Variants in FBXO27 observed in about 807,000 individuals in gnomAD.
The protein encoded by FBXO27 is F-box only protein 27.
In FBXO27, 28 loss-of-function variants were observed where a neutral mutation model predicts 28.3. The ratio of observed to expected loss-of-function variants is 0.99; its 90% CI spans 0.73 to 1.36. The LOEUF is 1.36. FBXO27 is among the 40% of genes most tolerant of loss of function. FBXO27 has a pLI of 0.00. For missense variants in FBXO27, 388 were observed against 394.1 expected (o/e 0.98, Z 0.13); for synonymous variants, 175 against 167.3 (o/e 1.05, Z -0.36).
downstream of FBXO27, among the ~76,000 whole-genome samples, chr19:39,019,447 A>G (rs1369014126): frequency 6.8e-4 from 61 of 89,476 alleles, no homozygotes; most frequent in South Asian, 1.7e-3. Flanking sequence ...AAAAAAAAAA[A>G]AAAAAAAAAA....
chr19:39,007,746 G>A (rs578117886), intron 2 of FBXO27, among the ~76,000 whole-genome samples: 1 of 152,232 alleles, frequency 6.6e-6, no homozygotes, highest in South Asian at 2.1e-4. Context: ...AGGCTCAAGC[G>A]ATCCTCCCAC....
At chr19:39,011,088 G>A (rs758340428) in intron 2 of FBXO27, among the ~76,000 whole-genome samples, 2 of 152,202 alleles carry the variant, frequency 1.3e-5, no homozygotes, top group Non-Finnish European at 2.9e-5. Flanking sequence ...AATTCCATGT[G>A]AATTTTGAGA....
At chr19:39,020,947 C>A (rs573792718), downstream of FBXO27, among the ~76,000 whole-genome samples, 11 of 151,976 alleles carry the variant, frequency 7.2e-5, no homozygotes, top group African/African-American at 2.7e-4. Flanking sequence ...CTCCGCCTCC[C>A]GGGTTCAAGT....
At chr19:39,011,827 C>CTTTTT (rs71167612) in intron 2 of FBXO27, among the ~76,000 whole-genome samples, 4 of 123,766 alleles carry the variant, frequency 3.2e-5, no homozygotes, top group Admixed American at 8.9e-5. Flanking sequence ...ATTTTCTTTT[C>CTTTTT]TTTTTTTTTT....
downstream of FBXO27, among the ~76,000 whole-genome samples, chr19:39,021,957 G>A (rs12982529): frequency 0.48 from 72,902 of 151,518 alleles, 17,689 homozygotes; most frequent in Middle Eastern, 0.58. Context: ...CACCACATCC[G>A]GCTATCCTCA....
At chr19:39,029,680 A>G (rs1425914746) in intron 4 of FBXO27, among the ~76,000 whole-genome samples, 2 of 151,930 alleles carry the variant, frequency 1.3e-5, no homozygotes, top group Non-Finnish European at 2.9e-5. Context: ...CTGGAATTTG[A>G]CTCCCATAAA....
At chr19:39,007,851 C>T (rs1299738246) in intron 2 of FBXO27, among the ~76,000 whole-genome samples, 3 of 152,086 alleles carry the variant, frequency 2.0e-5, no homozygotes, top group Non-Finnish European at 4.4e-5. Context: ...CTATGTTGCC[C>T]AGGTTGCCCA....
In FBXO27 at chr19:39,032,137, G is replaced by C. The variant is rs776796424; in HGVS notation, c.91C>G (p.Pro31Ala). 3.9e-6 allele frequency: 6 copies of C among 1,543,300 alleles called. No homozygotes were observed. The South Asian group carries it at 4.8e-5, about 12-fold the overall frequency. Residue 31 changes from proline to alanine, a missense_variant, in exon 2 of 6, where the codon CCA becomes GCA. Coordinates refer to ENST00000292853, the MANE Select transcript of FBXO27 (RefSeq NM_178820.5). The surrounding 1 kb of genome is among the most constrained non-coding windows in gnomAD (Gnocchi z 4.7). The part of the protein sequence containing the change: ...EEALDLSQLP[P>A]ELLLVVLSHV... ...CTCAGCACCACCAGAAGCAGCTCTGGGGGTAGTTGGCTCAGGTCCAGCGCC... is the reference window on the plus strand; with the variant it reads ...CTCAGCACCACCAGAAGCAGCTCTGCGGGTAGTTGGCTCAGGTCCAGCGCC...
Position 39,032,014 on chromosome 19 carries a change from C to G in FBXO27, c.214G>C (p.Ala72Pro), listed in dbSNP as rs1242815388. 1.4e-5 allele frequency: 22 copies of G among 1,523,930 alleles called. No individual in the cohort carries two copies. Among genetic ancestry groups the G allele is most frequent in the Non-Finnish European group, 1.9e-5 (22 of 1,143,492 alleles). 94.4% of individuals were successfully genotyped at this position (1,523,930 alleles called of 1,614,324 possible). A position where few individuals can be genotyped will look rare whatever the true frequency, so the allele number is the denominator to read the frequency against. Residue 72 changes from alanine to proline, a missense_variant, in exon 2 of 6, where the codon GCC becomes CCC. Ala to Pro is a conservative substitution (Grantham distance 27, BLOSUM62 -1). Coordinates refer to ENST00000292853, the MANE Select transcript of FBXO27 (RefSeq NM_178820.5). This position sits in a 1 kb window ranked among gnomAD's most constrained non-coding sequence, Gnocchi z 4.7. ...DGQALWLLIL[A>P]RDHGATGRAL... ...CGGCCGGTGGCGCCGTGGTCGCGGGCCAGGATCAGCAGCCACAGGGCCTGG... is the reference window on the plus strand; with the variant it reads ...CGGCCGGTGGCGCCGTGGTCGCGGGGCAGGATCAGCAGCCACAGGGCCTGG...
At position 39,025,343 on chromosome 19, in the gene FBXO27, G is replaced by T. The variant is rs2072866598; in HGVS notation, c.*68C>A. 1.3e-6 allele frequency: 2 copies of T among 1,548,684 alleles called. No homozygotes were observed. The highest frequency in any genetic ancestry group is 1.2e-5 in the South Asian group (1 of 82,760). On this transcript the variant is annotated 3_prime_UTR_variant, in exon 6 of 6. Transcript: ENST00000292853. The stretch of plus-strand genomic sequence containing the variant: ...CAAGTGCTTGGTTGGTTAATGAGGG[G>T]TCCCAGCCAATGGTCCCAGGCCCTG...
chr19:39,031,689 G>GACCCCTCACACC (rs1424624614), intron 2 of FBXO27, among the ~76,000 whole-genome samples, 175 bp downstream of exon 2: 1 of 150,484 alleles, frequency 6.6e-6, no homozygotes, highest in African/African-American at 2.5e-5. Context: ...CCGCCCCTCC[G>GACCCCTCACACC]GCACCTCACA....
chr19:39,031,111 T>G lies in FBXO27; in HGVS notation c.490A>C (p.Lys164Gln). The part of the protein sequence containing the change: ...FVTSFSWCCK[K>Q]QVLDLEEEGL... ...TCCTCCTCTAGGTCCAAGACCTGCT[T>G]CTTGCAACACCAGCTGGGAATGCAG... The change falls in exon 4 of 6, where the codon AAG becomes CAG. Residue 164 changes from lysine (K) to glutamine (Q), a missense_variant. Coordinates refer to ENST00000292853, the MANE Select transcript of FBXO27 (RefSeq NM_178820.5). 1.4e-5 allele frequency: 22 copies of G among 1,614,078 alleles called. No homozygotes were observed. The highest frequency in any genetic ancestry group is 1.9e-5 in the Non-Finnish European group (22 of 1,180,012).
chr19:39,006,700 C>T (rs535466034), intron 2 of FBXO27, among the ~76,000 whole-genome samples: 43 of 152,242 alleles, frequency 2.8e-4, no homozygotes, highest in African/African-American at 9.6e-4. Flanking sequence ...ACAGCAAGTA[C>T]AGCTGACCAG....
chr19:39,029,116 T>C (rs2144902865), intron 4 of FBXO27, among the ~76,000 whole-genome samples: 1 of 151,450 alleles, frequency 6.6e-6, no homozygotes, highest in South Asian at 2.1e-4. Context: ...AATAGGGTTA[T>C]GGTGCCTTGA....
At chr19:39,019,001 A>T (rs1243424793) in intron 1 of FBXO27, among the ~76,000 whole-genome samples, 3 of 150,800 alleles carry the variant, frequency 2.0e-5, no homozygotes. Context: ...CCCGGGAGGC[A>T]GAGGTTGCAG....
intron 1 of FBXO27, among the ~76,000 whole-genome samples, chr19:39,017,636 C>T (rs1489750321): frequency 8.1e-6 from 1 of 123,978 alleles, no homozygotes; most frequent in East Asian, 2.0e-4. Flanking sequence ...TACTGCACTC[C>T]AGCCTGGGCA....
chr19:39,007,185 G>C (rs1458824296), intron 2 of FBXO27, among the ~76,000 whole-genome samples: 3 of 152,070 alleles, frequency 2.0e-5, no homozygotes, highest in Non-Finnish European at 4.4e-5. Context: ...AGAGGTTCAG[G>C]GGCCCCAGTG....
Position 39,025,440 on chromosome 19 carries a change from T to A in FBXO27, c.823A>T (p.Ser275Cys), listed in dbSNP as rs1231910868. 6.2e-7 allele frequency: 1 copy of A among 1,613,934 alleles called. No individual in the cohort carries two copies. Among genetic ancestry groups the A allele is most frequent in the African/African-American group, 1.3e-5 (1 of 74,918 alleles). ...GHYGARVTNS[S>C]VIVRVRLS is the part of the protein sequence containing the mutation. ...GACAGACGGACTCGCACGATCACAC[T>A]GGAGTTGGTCACACGGGCTCCATAG... The change falls in exon 6 of 6, where the codon AGT becomes TGT. Residue 275 changes from serine (S) to cysteine (C), a missense_variant. Transcript: ENST00000292853.
In FBXO27 at chr19:39,007,108, C is replaced by T. The variant is rs1479797473; in HGVS notation, c.252+7279G>A. Reference sequence around the variant, plus strand: ...GAAAAGTACAATCCCAGAGGGCACACGTGGTGCCCCCTGGAGACAGAGAGT... The same window carrying T: ...GAAAAGTACAATCCCAGAGGGCACATGTGGTGCCCCCTGGAGACAGAGAGT... On this transcript the variant is annotated intron_variant, in intron 2 of 2. Coordinates refer to the FBXO27 transcript ENST00000598394. 4.1e-5 allele frequency among the ~76,000 whole-genome samples: 6 copies of T among 148,086 alleles called. No individual in the cohort carries two copies. The East Asian group carries it at 6.0e-4, about 15-fold the overall frequency.
Sources: allele counts gnomAD v4.1 joint callset (sites outside exome capture counted in the v4.1 genomes callset), GRCh38; gene constraint gnomAD v4.1.1; non-coding constraint Gnocchi (gnomAD v3.1); transcripts MANE v1.5; gene names NCBI Gene and HGNC (gene_info 2026-07-23, HGNC 2026-07-21).